ALKBH5: variants seen among roughly 807,000 people sequenced by gnomAD.
ALKBH5 encodes the protein RNA demethylase ALKBH5.
In ALKBH5, 2 loss-of-function variants were observed where a neutral mutation model predicts 32.1. That is an observed-to-expected ratio of 0.06 (90% CI 0.03 to 0.20). ALKBH5 has a LOEUF of 0.20. Ranked by LOEUF, ALKBH5 falls within the 10% of genes least tolerant of loss-of-function variation. The probability of loss-of-function intolerance (pLI) is 1.00; values close to 1 mark genes in which losing one functional copy is unlikely to be tolerated. For synonymous variants in ALKBH5, 300 were observed against 231.7 expected (o/e 1.29, Z -2.68); for missense variants, 352 against 559.5 (o/e 0.63, Z 3.74).
Position 18,187,316 on chromosome 17 carries a change from AAG to A in ALKBH5, c.770+2306_770+2307del, listed in dbSNP as rs201439091. Among the ~76,000 whole-genome samples the A allele has an allele frequency of 6.8e-3, 1,042 of 152,156 alleles. 8 individuals carry two copies. Among genetic ancestry groups the A allele is most frequent in the Middle Eastern group, 0.024 (7 of 294 alleles). Reference sequence around the variant, plus strand: ...TGCAGTAGCAGGAGTAGCCATAGGTAAGAGGGGGTGGATGTTGATGGGAGGCA... The same window carrying A: ...TGCAGTAGCAGGAGTAGCCATAGGTAAGGGGGTGGATGTTGATGGGAGGCA... On this transcript the variant is annotated intron_variant, in intron 1 of 3. Coordinates refer to ENST00000399138, the MANE Select transcript of ALKBH5 (RefSeq NM_017758.4).
chr17:18,190,379 G>A (rs911175816), intron 1 of ALKBH5, among the ~76,000 whole-genome samples: 10 of 151,962 alleles, frequency 6.6e-5, no homozygotes, highest in South Asian at 2.1e-4. Flanking sequence ...GTGAAAGCCC[G>A]TCTCTACTAA....
Position 18,206,967 on chromosome 17 carries a change from A to G in ALKBH5, c.1004A>G (p.His335Arg). 3 of 1,614,170 alleles carry G rather than the reference A, an allele frequency of 1.9e-6. No individual in the cohort carries two copies. In the South Asian group the frequency reaches 3.3e-5, roughly 18 times the overall value. Residue 335 changes from histidine to arginine, a missense_variant, in exon 3 of 4, where the codon CAC becomes CGC. By Grantham distance (29) the His-to-Arg change is conservative. Transcript: ENST00000399138. ...SHRKADPDAAHRPRILEMDKE... is the reference protein window; with the variant it reads ...SHRKADPDAARRPRILEMDKE... ...CGCAAGGCAGACCCTGATGCTGCCCACAGGTACTCAGTTTAGGACCCTCAG... is the reference window on the plus strand; with the variant it reads ...CGCAAGGCAGACCCTGATGCTGCCCGCAGGTACTCAGTTTAGGACCCTCAG...
At chr17:18,190,871 C>T (rs990046095) in intron 1 of ALKBH5, among the ~76,000 whole-genome samples, 1 of 152,192 alleles carries the variant, frequency 6.6e-6, no homozygotes, top group Admixed American at 6.5e-5. Flanking sequence ...AGGAGATAGA[C>T]ATGTCAGCTC....
At chr17:18,202,354 A>G (rs940692991) in intron 2 of ALKBH5, among the ~76,000 whole-genome samples, 5 of 152,036 alleles carry the variant, frequency 3.3e-5, no homozygotes, top group African/African-American at 4.8e-5. Flanking sequence ...TGATGTTGGC[A>G]GGGGGCTGGT....
chr17:18,194,890 T>C, intron 1 of ALKBH5, 65 bp from the exon 2 acceptor site: 5 of 1,430,676 alleles, frequency 3.5e-6, no homozygotes, highest in East Asian at 4.6e-5. Context: ...TGTCCTGTTA[T>C]ATCCCCCAGG....
At chr17:18,197,730 G>C (rs1316923402) in intron 2 of ALKBH5, among the ~76,000 whole-genome samples, 1 of 152,236 alleles carries the variant, frequency 6.6e-6, no homozygotes, top group Non-Finnish European at 1.5e-5. Context: ...CAGCCAGCTA[G>C]GTCCCTGCCA....
intron 1 of ALKBH5, among the ~76,000 whole-genome samples, chr17:18,193,430 C>G (rs570118225): frequency 7.0e-4 from 107 of 151,974 alleles, no homozygotes; most frequent in Non-Finnish European, 1.1e-3. Flanking sequence ...GCCTGTAGTC[C>G]CAGCTACTTG....
At chr17:18,201,407 A>G (rs2047235567) in intron 2 of ALKBH5, among the ~76,000 whole-genome samples, 2 of 152,212 alleles carry the variant, frequency 1.3e-5, no homozygotes, top group African/African-American at 2.4e-5. Context: ...ATGCAGTCTT[A>G]TCTGCACCTG....
intron 1 of ALKBH5, among the ~76,000 whole-genome samples, chr17:18,189,207 C>T (rs1219725355): frequency 6.6e-6 from 1 of 152,092 alleles, no homozygotes; most frequent in African/African-American, 2.4e-5. Context: ...GAAACCCTGT[C>T]TCTACTAAAA....
intron 2 of ALKBH5, among the ~76,000 whole-genome samples, chr17:18,198,989 AC>A (rs1184770418): frequency 6.6e-6 from 1 of 152,074 alleles, no homozygotes; most frequent in African/African-American, 2.4e-5. Flanking sequence ...ACAGTGGAGT[AC>A]CCCAAGTCCT....
Position 18,208,671 on chromosome 17 carries a change from G to A in ALKBH5, c.*275G>A. On this transcript the variant is annotated 3_prime_UTR_variant, in exon 4 of 4. Transcript: ENST00000399138. ...GGCTGATGCTGGAGTGGCCAGTAGA[G>A]GTGGTGGAGCAGAGCAGCCATCTTT... is the stretch of plus-strand genomic sequence containing the variant. 1.8e-6 allele frequency: 1 copy of A among 563,542 alleles called. No homozygotes were observed. Among genetic ancestry groups the A allele is most frequent in the South Asian group, 1.7e-5 (1 of 57,890 alleles). The allele number at this position is 563,542 out of a possible 1,614,324, so 34.9% of individuals were successfully genotyped here.
rs1310575237 is a variant in ALKBH5, at chr17:18,184,032, C to A, written c.-212C>A. ...GTGGAGAAGGTGGAGGAGGAAGAAG[C>A]CCCGTTGTCGCCACCGTTGCATGAC... On this transcript the variant is annotated 5_prime_UTR_variant, in exon 1 of 4. Coordinates refer to ENST00000399138, the MANE Select transcript of ALKBH5 (RefSeq NM_017758.4). The A allele has an allele frequency of 1.0e-5, 7 of 675,584 alleles. No homozygotes were observed. The Admixed American group carries it at 1.4e-4, about 14-fold the overall frequency. The allele number at this position is 675,584 out of a possible 1,614,324, so 41.8% of individuals were successfully genotyped here.
intron 2 of ALKBH5, among the ~76,000 whole-genome samples, chr17:18,200,912 C>T (rs566067880): frequency 6.6e-6 from 1 of 152,314 alleles, no homozygotes; most frequent in Non-Finnish European, 1.5e-5. Context: ...GTTAAGCGCG[C>T]TGGGGAGCCG....
Position 18,184,138 on chromosome 17 carries a change from C to T in ALKBH5, c.-106C>T. 9.7e-7 allele frequency: 1 copy of T among 1,028,938 alleles called. No individual in the cohort carries two copies. The highest frequency in any genetic ancestry group is 1.5e-5 in the South Asian group (1 of 66,614). 63.7% of individuals were successfully genotyped at this position (1,028,938 alleles called of 1,614,324 possible). On this transcript the variant is annotated 5_prime_UTR_variant, in exon 1 of 4. Coordinates refer to ENST00000399138, the MANE Select transcript of ALKBH5 (RefSeq NM_017758.4). ...CCCCCACTCACGCATGGGGGTTCGG[C>T]GCTAAGGACCCCCCTCCCTCCGGGG...
rs2047118716 is a variant in ALKBH5, at chr17:18,184,055, G to A, written c.-189G>A. 1.5e-6 allele frequency: 1 copy of A among 677,366 alleles called. No homozygotes were observed. The highest frequency in any genetic ancestry group is 2.7e-6 in the Non-Finnish European group (1 of 375,050). The allele number at this position is 677,366 out of a possible 1,614,324, so 42.0% of individuals were successfully genotyped here. ...AGCCCCGTTGTCGCCACCGTTGCAT[G>A]ACCCGCCGCTCCTGAGGCCCTACCC... On this transcript the variant is annotated 5_prime_UTR_variant, in exon 1 of 4. An upstream start codon of the reference 5' UTR is lost. Coordinates refer to ENST00000399138, the MANE Select transcript of ALKBH5 (RefSeq NM_017758.4).
At chr17:18,201,467 A>G (rs962543616) in intron 2 of ALKBH5, among the ~76,000 whole-genome samples, 10 of 151,894 alleles carry the variant, frequency 6.6e-5, no homozygotes, top group African/African-American at 2.4e-4. Context: ...GGTCTTCTAA[A>G]CTCTTCCTGG....
intron 1 of ALKBH5, among the ~76,000 whole-genome samples, chr17:18,191,413 C>T (rs1178655310): frequency 6.6e-6 from 1 of 152,164 alleles, no homozygotes; most frequent in Non-Finnish European, 1.5e-5. Flanking sequence ...CTTCCAAGGC[C>T]TGGGCTCCGT....
rs750745390 is a variant in ALKBH5, at chr17:18,199,518, T to C, written c.851+4483T>C. On this transcript the variant is annotated intron_variant, in intron 2 of 3. Coordinates refer to ENST00000399138, the MANE Select transcript of ALKBH5 (RefSeq NM_017758.4). ...CTGCCCTGTGCCAAGCATCCACATA[T>C]TAACCTTGAAACTAGAAGGTATGAA... Among the ~76,000 whole-genome samples, 120 of 152,146 alleles carry C rather than the reference T, an allele frequency of 7.9e-4. 1 individual carries two copies. The highest frequency in any genetic ancestry group is 1.8e-4 in the Non-Finnish European group (12 of 68,010).
rs1264639185 is a variant in ALKBH5, at chr17:18,209,044, C to G, written c.*648C>G. 1.2e-5 allele frequency: 2 copies of G among 163,914 alleles called. No individual in the cohort carries two copies. Among genetic ancestry groups the G allele is most frequent in the African/African-American group, 4.8e-5 (2 of 41,510 alleles). The allele number at this position is 163,914 out of a possible 1,614,324, so 10.2% of individuals were successfully genotyped here. A position where few individuals can be genotyped will look rare whatever the true frequency, so the allele number is the denominator to read the frequency against. On this transcript the variant is annotated 3_prime_UTR_variant, in exon 4 of 4. Transcript: ENST00000399138. ...GCCCCCCAGGCGTCCTCCACCCACG[C>G]CCACTAGCCTGCCATGTCCACAGTT... is the stretch of plus-strand genomic sequence containing the variant.
Sources: gnomAD v4.1 joint callset for allele counts (sites outside exome capture counted in the v4.1 genomes callset) on GRCh38, gnomAD v4.1.1 for gene constraint, MANE v1.5 for transcripts, NCBI Gene and HGNC (gene_info 2026-07-23, HGNC 2026-07-21) for gene names.